Variants in PCDH11Y observed in about 807,000 individuals in gnomAD.
PCDH11Y encodes protocadherin 11 Y-linked, also known as protocadherin-11 Y-linked.
For missense variants in PCDH11Y, 12 were observed against 224.8 expected, an observed-to-expected ratio of 0.05 and a Z score of 6.05; for synonymous variants, 9 against 83.6, an observed-to-expected ratio of 0.11 and a Z score of 4.87.
At chrY:5,050,836 A>T in intron 3 of PCDH11Y, among the ~76,000 whole-genome samples, 1 of 32,045 alleles carries the variant, frequency 3.1e-5, no homozygotes, top group African/African-American at 1.2e-4. Flanking sequence ...TACCCAGTGA[A>T]GACACAAATA....
chrY:5,385,005 T>C (rs2124674906), intron 2 of PCDH11Y, among the ~76,000 whole-genome samples: 1 of 31,312 alleles, frequency 3.2e-5, no homozygotes, highest in African/African-American at 1.2e-4. Flanking sequence ...GGGGCCTTAG[T>C]GCAGGAGCTC....
At chrY:5,447,709 C>T (rs2053289044) in intron 2 of PCDH11Y, among the ~76,000 whole-genome samples, 2 of 33,404 alleles carry the variant, frequency 6.0e-5, no homozygotes, top group African/African-American at 2.3e-4. Context: ...ATTGAAAGAA[C>T]TCACTTTGAG....
chrY:5,107,527 C>G, downstream of PCDH11Y, among the ~76,000 whole-genome samples: 1 of 32,726 alleles, frequency 3.1e-5, no homozygotes, highest in Non-Finnish European at 7.5e-5. Context: ...TAGTTTTCCA[C>G]AAAGGCCAGA....
chrY:5,359,385 G>C, intron 2 of PCDH11Y, among the ~76,000 whole-genome samples: 6 of 32,732 alleles, frequency 1.8e-4, no homozygotes, highest in African/African-American at 7.2e-4. Context: ...TAGCAGTGAG[G>C]ACAACCAGAG....
chrY:5,574,178 A>G (rs2053443452), intron 3 of PCDH11Y: 1 of 248,055 alleles, frequency 4.0e-6, no homozygotes, highest in Admixed American at 8.8e-5. Context: ...ACCTGGAGTC[A>G]GAGCTGGCAC....
chrY:5,199,627 A>T, intron 2 of PCDH11Y, among the ~76,000 whole-genome samples: 2 of 32,060 alleles, frequency 6.2e-5, no homozygotes, highest in Non-Finnish European at 1.5e-4. Context: ...GCTGCTATTG[A>T]GGATAGTACA....
At position 5,394,011 on chromosome Y, in the gene PCDH11Y, T is replaced by C. The variant is rs370586100; in HGVS notation, c.3130-107046T>C. Among the ~76,000 whole-genome samples, 7 of 32,508 alleles carry C rather than the reference T, an allele frequency of 2.2e-4. No individual in the cohort carries two copies. The East Asian group carries it at 2.4e-3, about 11-fold the overall frequency. 87.2% of individuals were successfully genotyped at this position (32,508 alleles called of 37,273 possible). Reference sequence around the variant, plus strand: ...AAGTCCCAGTTTCATCAAGTTAGTATACTTTCTGGCCATTATAAGGTCTGC... The same window carrying C: ...AAGTCCCAGTTTCATCAAGTTAGTACACTTTCTGGCCATTATAAGGTCTGC... On this transcript the variant is annotated intron_variant, in intron 2 of 4. Transcript: ENST00000400457.
chrY:5,140,284 C>G, intron 2 of PCDH11Y, among the ~76,000 whole-genome samples: 1 of 32,134 alleles, frequency 3.1e-5, no homozygotes, highest in African/African-American at 1.2e-4. Context: ...GGGCTGGGTT[C>G]ATTGCCTAGA....
chrY:5,345,214 A>G (rs2053150738), intron 2 of PCDH11Y, among the ~76,000 whole-genome samples: 1 of 33,869 alleles, frequency 3.0e-5, no homozygotes, highest in Non-Finnish European at 7.3e-5. Flanking sequence ...CTTGGTGCGG[A>G]AAACAGCATG....
intron 3 of PCDH11Y, among the ~76,000 whole-genome samples, chrY:5,034,581 A>T (rs2124622050): frequency 6.0e-5 from 2 of 33,087 alleles, no homozygotes; most frequent in African/African-American, 2.3e-4. Context: ...GTTCAAAACA[A>T]TATTCTGTGT....
intron 2 of PCDH11Y, among the ~76,000 whole-genome samples, chrY:5,347,654 C>T (rs2053153692): frequency 3.1e-5 from 1 of 32,780 alleles, no homozygotes; most frequent in Non-Finnish European, 7.4e-5. Context: ...TCCTCACCCA[C>T]TACATGTTGG....
At chrY:5,658,439 G>A in intron 4 of PCDH11Y, among the ~76,000 whole-genome samples, 19 of 32,909 alleles carry the variant, frequency 5.8e-4, no homozygotes, top group African/African-American at 2.2e-3. Flanking sequence ...TTTTCTTTAA[G>A]GAAAATAACA....
exon 1 of PCDH11Y, chrY:5,000,485 C>CG (rs2052528882): frequency 6.2e-5 from 1 of 16,135 alleles, no homozygotes; most frequent in Non-Finnish European, 1.4e-4. Context: ...GGCTGCTCTG[C>CG]GGACTGCGAG....
At chrY:5,133,236 T>C in intron 2 of PCDH11Y, among the ~76,000 whole-genome samples, 1 of 32,831 alleles carries the variant, frequency 3.0e-5, no homozygotes, top group Non-Finnish European at 7.6e-5. Flanking sequence ...ATTTATCCAG[T>C]CCAATAAATG....
At chrY:5,713,444 T>C in intron 4 of PCDH11Y, among the ~76,000 whole-genome samples, 1 of 32,838 alleles carries the variant, frequency 3.0e-5, no homozygotes, top group Non-Finnish European at 7.5e-5. Context: ...ACAGGAAGCA[T>C]TGTCAAGTAG....
intron 3 of PCDH11Y, among the ~76,000 whole-genome samples, chrY:5,043,122 C>G: frequency 3.2e-5 from 1 of 31,187 alleles, no homozygotes; most frequent in Non-Finnish European, 7.8e-5. Flanking sequence ...TGCCTAATTG[C>G]CCTGGCCAGA....
intron 2 of PCDH11Y, among the ~76,000 whole-genome samples, chrY:5,492,856 A>G (rs2053340321): frequency 2.7e-4 from 9 of 33,318 alleles, no homozygotes; most frequent in South Asian, 1.3e-3. Flanking sequence ...TTCATCTCAT[A>G]TTAATTTCCA....
chrY:5,575,624 TTGAG>T (rs2053445297), intron 3 of PCDH11Y, among the ~76,000 whole-genome samples: 1 of 33,751 alleles, frequency 3.0e-5, no homozygotes, highest in Non-Finnish European at 7.4e-5. Flanking sequence ...CTAGATATGA[TTGAG>T]TTTTATCCCT....
chrY:5,303,803 A>G, intron 2 of PCDH11Y, among the ~76,000 whole-genome samples: 1 of 33,152 alleles, frequency 3.0e-5, no homozygotes. Context: ...GATTTTCACT[A>G]TTTGAGGATT....
Sources: gnomAD v4.1 joint callset for allele counts (sites outside exome capture counted in the v4.1 genomes callset) on GRCh38, gnomAD v4.1.1 for gene constraint, MANE v1.5 for transcripts, NCBI Gene and HGNC (gene_info 2026-07-23, HGNC 2026-07-21) for gene names.